The following ABCC6 variants were observed in gnomAD, a reference collection of about 807,000 sequenced individuals.
The protein encoded by ABCC6 is ATP binding cassette subfamily C member 6, also known as ATP-binding cassette sub-family C member 6.
A neutral mutation model predicts 169.5 loss-of-function variants in ABCC6; 126 were observed. The ratio of observed to expected loss-of-function variants is 0.74; its 90% CI spans 0.64 to 0.86. The LOEUF is 0.86. Among genes scored for constraint, ABCC6 ranks in the 40% least tolerant of loss-of-function variants. The pLI is 0.00. For synonymous variants in ABCC6, 752 were observed against 814.7 expected, an observed-to-expected ratio of 0.92 and a Z score of 1.31; for missense variants, 1,733 against 1,927.2, an observed-to-expected ratio of 0.90 and a Z score of 1.89.
intron 26 of ABCC6, 32 bp from the exon 27 acceptor site, chr16:16,157,841 GCC>G (rs772783837): frequency 1.2e-6 from 2 of 1,600,062 alleles, no homozygotes; most frequent in South Asian, 2.2e-5. Flanking sequence ...AGTCAGAGGA[GCC>G]TTCCTCTAAG....
intron 9 of ABCC6, 51 bp from the exon 10 acceptor site, chr16:16,198,233 G>C: frequency 6.5e-7 from 1 of 1,543,744 alleles, no homozygotes; most frequent in South Asian, 1.2e-5. Context: ...CGGGGCAGAG[G>C]GATGCCCCAG....
intron 6 of ABCC6, 24 bp from the exon 7 acceptor site, chr16:16,208,883 A>T: frequency 6.2e-7 from 1 of 1,613,212 alleles, no homozygotes; most frequent in East Asian, 2.2e-5. Flanking sequence ...GCACCAGGGA[A>T]AGCTTTTCCT....
intron 13 of ABCC6, among the ~76,000 whole-genome samples, chr16:16,188,440 C>T (rs541487311): frequency 7.4e-4 from 112 of 152,184 alleles, no homozygotes; most frequent in Non-Finnish European, 1.4e-3. Context: ...GGAGATGGCT[C>T]AGGTATGCCG....
At position 16,208,794 on chromosome 16, in the gene ABCC6, T is replaced by C. The variant is rs1240002535; in HGVS notation, c.728A>G (p.Asn243Ser). Residue 243 changes from asparagine to serine, a missense_variant, in exon 7 of 31, where the codon AAC (asparagine) becomes AGC (serine). Coordinates refer to ENST00000205557, the MANE Select transcript of ABCC6 (RefSeq NM_001171.6). ...PKDLWSLGRE[N>S]SSEELVSRLE... is the part of the protein sequence containing the mutation. The stretch of plus-strand genomic sequence containing the variant: ...CCGGGAAACAAGTTCTTCTGAGGAG[T>C]TTTCTCTCCCAAGCGACCAGAGGTC... 1.9e-6 allele frequency: 3 copies of C among 1,612,510 alleles called. No homozygotes were observed. Among genetic ancestry groups the C allele is most frequent in the East Asian group, 2.2e-5 (1 of 44,832 alleles).
In ABCC6 at chr16:16,149,976, A is replaced by T; in HGVS notation, c.*157T>A. 8.6e-7 allele frequency: 1 copy of T among 1,161,722 alleles called. No individual in the cohort carries two copies. 72.0% of individuals were successfully genotyped at this position (1,161,722 alleles called of 1,614,324 possible). A position where few individuals can be genotyped will look rare whatever the true frequency, so the allele number is the denominator to read the frequency against. The stretch of plus-strand genomic sequence containing the variant: ...GTCCTTCCGGCTCTGATGCTCTGTG[A>T]TAATTGGCCACTTTCTCTGCCATTT... On this transcript the variant is annotated 3_prime_UTR_variant, in exon 31 of 31. Coordinates refer to ENST00000205557, the MANE Select transcript of ABCC6 (RefSeq NM_001171.6).
intron 7 of ABCC6, among the ~76,000 whole-genome samples, chr16:16,207,688 G>A (rs2048437195): frequency 1.3e-5 from 2 of 152,198 alleles, no homozygotes; most frequent in Admixed American, 1.3e-4. Flanking sequence ...ACCAAGATCC[G>A]GTGAGGTTAA....
chr16:16,187,060 G>T, intron 14 of ABCC6, 64 bp downstream of exon 14: 2 of 1,421,418 alleles, frequency 1.4e-6, no homozygotes, highest in African/African-American at 1.4e-5. Context: ...TTGCCATTAT[G>T]GGCTGGGGTG....
chr16:16,182,777 T>C lies in ABCC6; in HGVS notation c.2070+27A>G, dbSNP rs768158370. ...TGGGACTTTCAGGATGGGGACATCC[T>C]AGCAGACAGGCTGGGGGTGGCCTCA... On this transcript the variant is annotated intron_variant, in intron 16 of 30. Transcript: ENST00000205557. 1.9e-6 allele frequency: 3 copies of C among 1,613,640 alleles called. No homozygotes were observed. The Admixed American group carries it at 5.0e-5, about 27-fold the overall frequency.
At chr16:16,205,846 T>TG in intron 7 of ABCC6, among the ~76,000 whole-genome samples, 1 of 152,068 alleles carries the variant, frequency 6.6e-6, no homozygotes, top group East Asian at 1.9e-4. Context: ...GTCAAATGAA[T>TG]GGGAAAAACA....
intron 6 of ABCC6, among the ~76,000 whole-genome samples, chr16:16,209,245 G>A (rs1451370613): frequency 2.0e-5 from 3 of 151,778 alleles, no homozygotes; most frequent in Non-Finnish European, 2.9e-5. Context: ...CACCATACCC[G>A]GCTAATTTTT....
At chr16:16,222,931 G>A in intron 1 of ABCC6, 1 of 212,594 alleles carries the variant, frequency 4.7e-6, no homozygotes, top group Non-Finnish European at 9.7e-6. Flanking sequence ...ATAGCAGCAT[G>A]GCACAAGGTT....
At chr16:16,185,797 G>T (rs986669014) in intron 14 of ABCC6, among the ~76,000 whole-genome samples, 1 of 152,060 alleles carries the variant, frequency 6.6e-6, no homozygotes, top group African/African-American at 2.4e-5. Context: ...AAATACTACT[G>T]CTACTACTAC....
chr16:16,183,960 G>T (rs1052166837), intron 15 of ABCC6, among the ~76,000 whole-genome samples: 1 of 151,994 alleles, frequency 6.6e-6, no homozygotes, highest in African/African-American at 2.4e-5. Context: ...TAGTCCTTTG[G>T]GAACTGAGGC....
At chr16:16,193,021 A>G in intron 10 of ABCC6, 99 bp from the exon 11 acceptor site, 1 of 1,013,298 alleles carries the variant, frequency 9.9e-7, no homozygotes, top group East Asian at 2.4e-5. Flanking sequence ...GGACTGGGTA[A>G]AATGAGGCTG....
At chr16:16,196,234 A>T (rs940890178) in intron 10 of ABCC6, among the ~76,000 whole-genome samples, 2 of 151,180 alleles carry the variant, frequency 1.3e-5, no homozygotes, top group Admixed American at 6.6e-5. Context: ...AATCAAAAGG[A>T]TACTATTTCA....
intron 10 of ABCC6, 139 bp from the exon 11 acceptor site, chr16:16,193,061 T>C (rs187251003): frequency 1.6e-4 from 109 of 693,294 alleles, no homozygotes; most frequent in African/African-American, 1.3e-3. Flanking sequence ...CCCAGACGGT[T>C]AGGGTATTGT....
intron 27 of ABCC6, among the ~76,000 whole-genome samples, chr16:16,156,718 G>C (rs572047843): frequency 1.8e-4 from 27 of 151,968 alleles, no homozygotes; most frequent in African/African-American, 4.8e-4. Context: ...GAGGCCGAGG[G>C]GGGTGATTGA....
intron 18 of ABCC6, among the ~76,000 whole-genome samples, chr16:16,178,018 G>GAGAA (rs1428493545): frequency 6.8e-6 from 1 of 147,450 alleles, no homozygotes; most frequent in African/African-American, 2.5e-5. Flanking sequence ...GAGAGAGAGA[G>GAGAA]AGAAAGAAAG....
At chr16:16,211,095 CAA>C (rs200718671) in intron 6 of ABCC6, among the ~76,000 whole-genome samples, 5,295 of 143,016 alleles carry the variant, frequency 0.037, 110 homozygotes, top group African/African-American at 0.049. Context: ...AACTCTGTCT[CAA>C]AAAAAAAAAG....
Sources: allele counts gnomAD v4.1 joint callset (sites outside exome capture counted in the v4.1 genomes callset), GRCh38; gene constraint gnomAD v4.1.1; transcripts MANE v1.5; gene names NCBI Gene and HGNC (gene_info 2026-07-23, HGNC 2026-07-21).